ADGRL2: variants seen among roughly 807,000 people sequenced by gnomAD.
The protein encoded by ADGRL2 is calcium-independent alpha-latrotoxin receptor 2.
ADGRL2 carries 44 observed loss-of-function variants against 157.4 expected under a neutral mutation model. The ratio of observed to expected loss-of-function variants is 0.28; its 90% CI spans 0.22 to 0.36. The LOEUF is 0.36. Among genes scored for constraint, ADGRL2 ranks in the 10% least tolerant of loss-of-function variants. The probability of loss-of-function intolerance (pLI) is 1.00; values close to 1 mark genes in which losing one functional copy is unlikely to be tolerated. For synonymous variants in ADGRL2, 585 were observed against 624.7 expected (o/e 0.94, Z 0.95); for missense variants, 1,510 against 1,768.9 (o/e 0.85, Z 2.63).
chr1:81,860,540 C>A (rs147505565), intron 2 of ADGRL2, among the ~76,000 whole-genome samples: 154 of 152,158 alleles, frequency 1.0e-3, no homozygotes, highest in Middle Eastern at 3.4e-3. Flanking sequence ...ATTTTATAAT[C>A]ATATAATGTA....
intron 1 of ADGRL2, among the ~76,000 whole-genome samples, chr1:81,423,622 G>T (rs987332971): frequency 6.6e-6 from 1 of 152,074 alleles, no homozygotes; most frequent in Non-Finnish European, 1.5e-5. Flanking sequence ...TTTCGACATC[G>T]TTGTCAATCT....
rs55832240 is a variant in ADGRL2, at chr1:81,659,052, A to ATTTTTTT, written c.-143+78093_-143+78099dup. Among the ~76,000 whole-genome samples, 7 of 60,530 alleles carry ATTTTTTT rather than the reference A, an allele frequency of 1.2e-4. 1 individual carries two copies. The highest frequency in any genetic ancestry group is 5.1e-4 in the Admixed American group (2 of 3,898). 39.7% of individuals were successfully genotyped at this position (60,530 alleles called of 152,430 possible). A position where few individuals can be genotyped will look rare whatever the true frequency, so the allele number is the denominator to read the frequency against. On this transcript the variant is annotated intron_variant, in intron 3 of 24. Transcript: ENST00000370721. ...CAGGCGTGAGCCACCACACCCAGCA[A>ATTTTTTT]TTTTTTTTTTTTTTTTTTTTTTTTT...
intron 2 of ADGRL2, among the ~76,000 whole-genome samples, chr1:81,851,600 T>C (rs1398559454): frequency 6.6e-6 from 1 of 151,876 alleles, no homozygotes; most frequent in Non-Finnish European, 1.5e-5. Flanking sequence ...GAAAATATAT[T>C]ACTTTTTTGG....
chr1:81,359,220 T>A, intron 1 of ADGRL2, among the ~76,000 whole-genome samples: 1 of 152,214 alleles, frequency 6.6e-6, no homozygotes, highest in Middle Eastern at 3.4e-3. Context: ...GCCTTAAAAA[T>A]GACTGTGTTA....
chr1:81,545,101 GA>G (rs1211812103), intron 2 of ADGRL2, among the ~76,000 whole-genome samples: 1 of 152,066 alleles, frequency 6.6e-6, no homozygotes, highest in Non-Finnish European at 1.5e-5. Flanking sequence ...AGAAAGGAGA[GA>G]AAAAGAAGGG....
At chr1:81,419,732 TGAG>T (rs1238244908) in intron 1 of ADGRL2, among the ~76,000 whole-genome samples, 1 of 152,180 alleles carries the variant, frequency 6.6e-6, no homozygotes, top group African/African-American at 2.4e-5. Context: ...GAAAATTCCT[TGAG>T]GAGAAGTCTG....
chr1:81,883,235 T>C (rs1176334369), intron 2 of ADGRL2, among the ~76,000 whole-genome samples: 3 of 152,164 alleles, frequency 2.0e-5, no homozygotes, highest in Non-Finnish European at 4.4e-5. Context: ...AAGCAGAGAA[T>C]TTTTTAAAAA....
chr1:81,365,502 T>G (rs2076049430), intron 1 of ADGRL2, among the ~76,000 whole-genome samples: 1 of 152,166 alleles, frequency 6.6e-6, no homozygotes. Context: ...TTATCTCTAC[T>G]TCTGTTATGC....
intron 3 of ADGRL2, among the ~76,000 whole-genome samples, chr1:81,686,902 C>A (rs2083239128): frequency 6.6e-6 from 1 of 152,124 alleles, no homozygotes; most frequent in Admixed American, 6.6e-5. Flanking sequence ...CAAGATCATT[C>A]AGGAGCAGGT....
At chr1:81,348,513 C>T (rs542317782) in intron 1 of ADGRL2, among the ~76,000 whole-genome samples, 1 of 151,924 alleles carries the variant, frequency 6.6e-6, no homozygotes, top group African/African-American at 2.4e-5. Context: ...TTTTATTAAA[C>T]GCTTCAGAGG....
Position 81,819,259 on chromosome 1 carries a change from T to C in ADGRL2, c.-100-17626T>C, listed in dbSNP as rs574374813. On this transcript the variant is annotated intron_variant, in intron 1 of 23. Coordinates refer to ENST00000686636, the MANE Select transcript of ADGRL2 (RefSeq NM_001366006.2). ...GTAATGGTGGGTTAGAATTTGGCATTTGATTGAATGCGAGGTAAAGGAGGA... is the reference window on the plus strand; with the variant it reads ...GTAATGGTGGGTTAGAATTTGGCATCTGATTGAATGCGAGGTAAAGGAGGA... 2.0e-5 allele frequency among the ~76,000 whole-genome samples: 3 copies of C among 152,136 alleles called. No individual in the cohort carries two copies. The South Asian group carries it at 6.2e-4, about 32-fold the overall frequency.
At chr1:81,662,322 C>T (rs1480315230) in intron 3 of ADGRL2, among the ~76,000 whole-genome samples, 13 of 144,096 alleles carry the variant, frequency 9.0e-5, no homozygotes, top group African/African-American at 2.9e-4. Context: ...GTGGTGCCAT[C>T]TCAGCTCACT....
intron 3 of ADGRL2, among the ~76,000 whole-genome samples, chr1:81,613,414 G>C (rs2081581496): frequency 6.6e-6 from 1 of 152,146 alleles, no homozygotes; most frequent in Non-Finnish European, 1.5e-5. Flanking sequence ...AAGGAGGTGA[G>C]GCCGTAACTG....
intron 1 of ADGRL2, among the ~76,000 whole-genome samples, chr1:81,836,384 G>T (rs2092281475): frequency 6.6e-6 from 1 of 152,064 alleles, no homozygotes; most frequent in Non-Finnish European, 1.5e-5. Flanking sequence ...CATTTTATGT[G>T]CATTATAAGG....
chr1:81,454,167 C>CA (rs1557700287), intron 2 of ADGRL2, among the ~76,000 whole-genome samples: 1 of 145,772 alleles, frequency 6.9e-6, no homozygotes, highest in African/African-American at 2.5e-5. Context: ...AATCCTCACT[C>CA]TTTTTTTTTT....
chr1:81,974,881 G>A (rs556122684), intron 17 of ADGRL2, among the ~76,000 whole-genome samples: 2 of 151,968 alleles, frequency 1.3e-5, no homozygotes, highest in East Asian at 3.9e-4. Flanking sequence ...TTATATTGGT[G>A]GGTTATTATA....
intron 1 of ADGRL2, among the ~76,000 whole-genome samples, chr1:81,803,887 G>C (rs542840722): frequency 1.3e-5 from 2 of 152,256 alleles, no homozygotes; most frequent in South Asian, 4.1e-4. Context: ...GTGTGGAACG[G>C]GTCCCACCGA....
chr1:81,941,023 A>G (rs1647747165), intron 4 of ADGRL2, among the ~76,000 whole-genome samples: 1 of 149,564 alleles, frequency 6.7e-6, no homozygotes, highest in South Asian at 2.2e-4. Flanking sequence ...GAGTCAAGGT[A>G]TTTGCTCTGA....
At chr1:81,852,764 T>C (rs1220587230) in intron 2 of ADGRL2, among the ~76,000 whole-genome samples, 1 of 152,128 alleles carries the variant, frequency 6.6e-6, no homozygotes, top group African/African-American at 2.4e-5. Flanking sequence ...TAGTAAATTC[T>C]GTGTTTATTA....
Sources: gnomAD v4.1 joint callset for allele counts (sites outside exome capture counted in the v4.1 genomes callset) on GRCh38, gnomAD v4.1.1 for gene constraint, MANE v1.5 for transcripts, NCBI Gene and HGNC (gene_info 2026-07-23, HGNC 2026-07-21) for gene names.